Variants in MDN1 observed in about 807,000 individuals in gnomAD.
MDN1 encodes the protein midasin AAA ATPase 1.
In MDN1, 266 loss-of-function variants were observed where a neutral mutation model predicts 669.2. The ratio of observed to expected loss-of-function variants is 0.40; its 90% CI spans 0.36 to 0.44. The LOEUF (loss-of-function observed/expected upper bound fraction) is 0.44, where lower values mean the gene tolerates loss of function less well. Ranked by LOEUF, MDN1 falls within the 20% of genes least tolerant of loss-of-function variation. MDN1 has a pLI of 1.00. For synonymous variants in MDN1, 2,385 were observed against 2,457.1 expected (o/e 0.97, Z 0.87); for missense variants, 5,940 against 6,754.0 (o/e 0.88, Z 4.22).
chr6:89,710,189 G>C (rs980838756), intron 50 of MDN1, among the ~76,000 whole-genome samples: 3 of 152,120 alleles, frequency 2.0e-5, no homozygotes, highest in African/African-American at 4.8e-5. Flanking sequence ...AGGGTGGAAG[G>C]CACCTCAGAG....
At chr6:89,725,422 T>C (rs1584271733) in intron 37 of MDN1, 26 bp from the exon 38 acceptor site, 1 of 1,570,910 alleles carries the variant, frequency 6.4e-7, no homozygotes. Context: ...AGTACATAAT[T>C]TGTCTCAAAT....
chr6:89,816,658 T>C (rs1310057283), intron 1 of MDN1, among the ~76,000 whole-genome samples: 1 of 151,266 alleles, frequency 6.6e-6, no homozygotes, highest in African/African-American at 2.4e-5. Flanking sequence ...TGAACCTTGG[T>C]CTCCACACCC....
chr6:89,762,397 G>T lies in MDN1; in HGVS notation c.2278C>A (p.Arg760=), dbSNP rs773314424. 1.2e-6 allele frequency: 2 copies of T among 1,614,076 alleles called. No individual in the cohort carries two copies. Among genetic ancestry groups the T allele is most frequent in the Non-Finnish European group, 1.7e-6 (2 of 1,179,996 alleles). Residue 760 remains arginine (R), a synonymous_variant, in exon 16 of 102, where the codon CGG becomes AGG. Coordinates refer to ENST00000369393, the MANE Select transcript of MDN1 (RefSeq NM_014611.3). The stretch of plus-strand genomic sequence containing the variant: ...ATTAGTCTCAGGAGATCATGCCACC[G>T]TTTCTGTCTGTAACAGGTCTGAATG... ...GHIQTCYRQK[R]WHDLLRLMQH... is the part of the protein sequence containing the mutation.
At chr6:89,806,793 T>C (rs998335122) in intron 1 of MDN1, among the ~76,000 whole-genome samples, 1 of 151,600 alleles carries the variant, frequency 6.6e-6, no homozygotes, top group Non-Finnish European at 1.5e-5. Context: ...ACGGTGTGCA[T>C]CTACAGTCCC....
At chr6:89,675,663 T>C (rs1320748843) in intron 77 of MDN1, 84 bp from the exon 78 acceptor site, 2 of 1,149,324 alleles carry the variant, frequency 1.7e-6, no homozygotes, top group African/African-American at 3.0e-5. Flanking sequence ...GTTTCTACTA[T>C]AAGCGTCAGA....
At chr6:89,656,359 C>T (rs1005445519) in intron 91 of MDN1, among the ~76,000 whole-genome samples, 5 of 152,080 alleles carry the variant, frequency 3.3e-5, no homozygotes, top group Non-Finnish European at 7.4e-5. Flanking sequence ...TTATACCCTA[C>T]TTAAAAAAAA....
chr6:89,666,375 C>A (rs1358863492), intron 84 of MDN1, among the ~76,000 whole-genome samples: 5 of 152,230 alleles, frequency 3.3e-5, no homozygotes, highest in Admixed American at 3.3e-4. Flanking sequence ...AGGTGATTCT[C>A]CTGCGTCAGC....
At chr6:89,740,138 A>G (rs1816204934) in intron 32 of MDN1, 96 bp downstream of exon 32, 1 of 1,395,136 alleles carries the variant, frequency 7.2e-7, no homozygotes, top group South Asian at 1.3e-5. Context: ...TTTACCTAAC[A>G]TAAAATTCCA....
At chr6:89,733,296 T>C (rs921009091) in intron 33 of MDN1, among the ~76,000 whole-genome samples, 5 of 152,098 alleles carry the variant, frequency 3.3e-5, no homozygotes, top group African/African-American at 9.7e-5. Flanking sequence ...TCACAAATTT[T>C]GTTTCATGAA....
At chr6:89,797,535 G>A in intron 2 of MDN1, 1 of 297,716 alleles carries the variant, frequency 3.4e-6, no homozygotes, top group Admixed American at 4.5e-5. Flanking sequence ...TCACGTTCCT[G>A]GTGGAGGCAG....
At chr6:89,818,187 C>T (rs887453876) in intron 1 of MDN1, among the ~76,000 whole-genome samples, 2 of 151,632 alleles carry the variant, frequency 1.3e-5, no homozygotes, top group Non-Finnish European at 2.9e-5. Context: ...GGCATGGTGG[C>T]GCACGCCTGT....
At chr6:89,653,772 TTC>T (rs567748175) in intron 93 of MDN1, among the ~76,000 whole-genome samples, 120 of 152,366 alleles carry the variant, frequency 7.9e-4, no homozygotes, top group Non-Finnish European at 1.5e-3. Context: ...CTCATTCTAT[TTC>T]TTTTAATATT....
chr6:89,817,104 C>T (rs1562249944), intron 1 of MDN1, among the ~76,000 whole-genome samples: 1 of 152,166 alleles, frequency 6.6e-6, no homozygotes, highest in Non-Finnish European at 1.5e-5. Flanking sequence ...CCTCACCCTT[C>T]GAGTTGTCCC....
Position 89,761,665 on chromosome 6 carries a change from A to G in MDN1, c.2440T>C (p.Leu814=), listed in dbSNP as rs141346803. 4.4e-5 allele frequency: 71 copies of G among 1,610,118 alleles called. No homozygotes were observed. The South Asian group carries it at 4.7e-4, about 11-fold the overall frequency. Residue 814 remains leucine, a synonymous_variant, in exon 17 of 102, where the codon TTA becomes CTA. Transcript: ENST00000369393. Reference sequence around the variant, plus strand: ...AATACCTCTACAAATGCGAACAATAAGGTATTTTCAGTCATTTTCATCTGT... The same window carrying G: ...AATACCTCTACAAATGCGAACAATAGGGTATTTTCAGTCATTTTCATCTGT... ...QQQMKMTENT[L]LFAFVEGTLA... is the part of the protein sequence containing the mutation.
In MDN1 at chr6:89,773,826, G is replaced by A. The variant is rs746741527; in HGVS notation, c.1934+795C>T. Among the ~76,000 whole-genome samples the A allele has an allele frequency of 3.9e-5, 6 of 151,920 alleles. No homozygotes were observed. In the South Asian group the frequency reaches 6.2e-4, roughly 16 times the overall value. On this transcript the variant is annotated intron_variant, in intron 13 of 101. Transcript: ENST00000369393. ...CTAAAAATACAAAAATTAGCTGGGCGTGGTGGCGCATGCCTGTAATCCCAG... is the reference window on the plus strand; with the variant it reads ...CTAAAAATACAAAAATTAGCTGGGCATGGTGGCGCATGCCTGTAATCCCAG...
Position 89,675,577 on chromosome 6 carries a change from T to G in MDN1, c.12648A>C (p.Glu4216Asp), listed in dbSNP as rs541223064. 13 of 1,613,220 alleles carry G rather than the reference T, an allele frequency of 8.1e-6. No individual in the cohort carries two copies. The highest frequency in any genetic ancestry group is 6.7e-5 in the African/African-American group (5 of 75,008). The change falls in exon 78 of 102, where the codon GAA (glutamate) becomes GAC (aspartate). Residue 4216 changes from glutamate to aspartate, a missense_variant and splice_region_variant. By Grantham distance (45) the Glu-to-Asp change is conservative. Transcript: ENST00000369393. The part of the protein sequence containing the change: ...LNAALATPAK[E>D]MGMGNVERCR... The stretch of plus-strand genomic sequence containing the variant: ...ACCTCTCCACGTTGCCCATGCCCAT[T>G]TCCTGGCAGAAGAAGGAAAAACATG...
chr6:89,667,958 T>C, intron 84 of MDN1, 56 bp downstream of exon 84: 2 of 1,583,120 alleles, frequency 1.3e-6, no homozygotes, highest in Non-Finnish European at 1.7e-6. Context: ...GTAACTTACA[T>C]GTTGAAAAGA....
At chr6:89,725,759 T>C (rs1378539843) in intron 37 of MDN1, among the ~76,000 whole-genome samples, 1 of 130,390 alleles carries the variant, frequency 7.7e-6, no homozygotes, top group Non-Finnish European at 1.7e-5. Context: ...TTTTTTTTGG[T>C]AGAGCCAAGG....
chr6:89,768,425 C>T (rs1562198375), intron 15 of MDN1, among the ~76,000 whole-genome samples: 1 of 152,206 alleles, frequency 6.6e-6, no homozygotes. Context: ...TTGTCTTGTG[C>T]TATGATTGTG....
Sources: allele counts gnomAD v4.1 joint callset (sites outside exome capture counted in the v4.1 genomes callset), GRCh38; gene constraint gnomAD v4.1.1; transcripts MANE v1.5; gene names NCBI Gene and HGNC (gene_info 2026-07-23, HGNC 2026-07-21).